The following KALRN variants were observed in gnomAD, a reference collection of about 807,000 sequenced individuals.
KALRN encodes the protein kalirin.
In KALRN, 70 loss-of-function variants were observed where a neutral mutation model predicts 353.7. The ratio of observed to expected loss-of-function variants is 0.20; its 90% CI spans 0.16 to 0.24. KALRN has a LOEUF of 0.24. Ranked by LOEUF, KALRN falls within the 10% of genes least tolerant of loss-of-function variation. The pLI, the probability that KALRN is intolerant of heterozygous loss-of-function variation, is 1.00. For missense variants in KALRN, 2,791 were observed against 3,756.7 expected (o/e 0.74, Z 6.72); for synonymous variants, 1,391 against 1,434.8 (o/e 0.97, Z 0.69).
chr3:124,587,490 G>GAGCT (rs1367940982), intron 34 of KALRN, among the ~76,000 whole-genome samples: 1 of 152,184 alleles, frequency 6.6e-6, no homozygotes, highest in Admixed American at 6.5e-5. Flanking sequence ...GAAGCTAAGT[G>GAGCT]AGCTACATTG....
At chr3:124,558,245 C>T (rs886143071) in intron 33 of KALRN, among the ~76,000 whole-genome samples, 1 of 152,132 alleles carries the variant, frequency 6.6e-6, no homozygotes, top group Non-Finnish European at 1.5e-5. Flanking sequence ...TCCTTTCCTC[C>T]CAAATTTAAA....
At chr3:124,193,263 G>A in intron 1 of KALRN, among the ~76,000 whole-genome samples, 1 of 152,080 alleles carries the variant, frequency 6.6e-6, no homozygotes, top group East Asian at 1.9e-4. Flanking sequence ...GGGAACTGGA[G>A]TATCCTTCCT....
chr3:124,407,370 T>C (rs2091683841), intron 13 of KALRN, among the ~76,000 whole-genome samples: 1 of 152,140 alleles, frequency 6.6e-6, no homozygotes, highest in South Asian at 2.1e-4. Context: ...CATCCCTTCT[T>C]ATTCTTTCTC....
chr3:124,448,778 C>T (rs922567869), intron 21 of KALRN, among the ~76,000 whole-genome samples: 14 of 152,124 alleles, frequency 9.2e-5, no homozygotes, highest in African/African-American at 2.4e-4. Flanking sequence ...CTATATAAGC[C>T]GACAGGATAC....
At chr3:124,494,213 T>A (rs1029067835) in intron 32 of KALRN, among the ~76,000 whole-genome samples, 3 of 152,102 alleles carry the variant, frequency 2.0e-5, no homozygotes, top group Non-Finnish European at 4.4e-5. Context: ...CTACAATGGG[T>A]GGGTGAGAAA....
At chr3:124,105,019 T>C (rs1462764643) in intron 1 of KALRN, among the ~76,000 whole-genome samples, 1 of 152,086 alleles carries the variant, frequency 6.6e-6, no homozygotes, top group Non-Finnish European at 1.5e-5. Context: ...CTTCTGAGCA[T>C]AAGAGCCTGG....
At chr3:124,556,677 C>T (rs1159502231) in intron 33 of KALRN, among the ~76,000 whole-genome samples, 1 of 152,156 alleles carries the variant, frequency 6.6e-6, no homozygotes, top group Non-Finnish European at 1.5e-5. Flanking sequence ...TTGCATTTTT[C>T]CCCATTACCT....
In KALRN at chr3:124,326,176, G is replaced by A. The variant is rs1439115192; in HGVS notation, c.1284+5G>A. The A allele has an allele frequency of 1.2e-6, 2 of 1,606,944 alleles. No individual in the cohort carries two copies. The highest frequency in any genetic ancestry group is 4.5e-5 in the East Asian group (2 of 44,798). On this transcript the variant is annotated splice_donor_5th_base_variant and intron_variant, in intron 7 of 59. Transcript: ENST00000682506. ...TTCCACCAGAAGGCTGAGCAGGTAAGGTGCAGAAACCTGCAGCAGCTGCTG... is the reference window on the plus strand; with the variant it reads ...TTCCACCAGAAGGCTGAGCAGGTAAAGTGCAGAAACCTGCAGCAGCTGCTG...
chr3:124,490,568 G>GA lies in KALRN; in HGVS notation c.4397-119dup, dbSNP rs528148391. 123 of 796,426 alleles carry GA rather than the reference G, an allele frequency of 1.5e-4. No individual in the cohort carries two copies. In the South Asian group the frequency reaches 2.1e-3, roughly 14 times the overall value. The allele number at this position is 796,426 out of a possible 1,614,324, so 49.3% of individuals were successfully genotyped here. A position where few individuals can be genotyped will look rare whatever the true frequency, so the allele number is the denominator to read the frequency against. ...CAGCAGTCTCTGGAGTTAGCAGAGAGAAAAAAACCCTTCAGTAACTGAAGA... is the reference window on the plus strand; with the variant it reads ...CAGCAGTCTCTGGAGTTAGCAGAGAGAAAAAAAACCCTTCAGTAACTGAAGA... On this transcript the variant is annotated intron_variant, in intron 29 of 59. Transcript: ENST00000682506.
At chr3:124,506,325 C>T (rs1296211850) in intron 33 of KALRN, among the ~76,000 whole-genome samples, 3 of 152,190 alleles carry the variant, frequency 2.0e-5, no homozygotes, top group Admixed American at 2.0e-4. Flanking sequence ...ATCCTTCTCC[C>T]GCCATGTCCC....
intron 1 of KALRN, among the ~76,000 whole-genome samples, chr3:124,053,139 G>A (rs548540914): frequency 2.0e-5 from 3 of 152,228 alleles, no homozygotes; most frequent in African/African-American, 7.2e-5. Flanking sequence ...TGGGCTCAAG[G>A]GATCCTTGCA....
chr3:124,332,307 G>A (rs2080659609), intron 8 of KALRN, among the ~76,000 whole-genome samples: 1 of 151,816 alleles, frequency 6.6e-6, no homozygotes, highest in Non-Finnish European at 1.5e-5. Context: ...GGGACCAAAG[G>A]AGGGGTGAGG....
At position 124,122,090 on chromosome 3, in the gene KALRN, A is replaced by G. The variant is rs184084463; in HGVS notation, c.73+88277A>G. 7.0e-4 allele frequency among the ~76,000 whole-genome samples: 107 copies of G among 152,284 alleles called. No homozygotes were observed. In the South Asian group the frequency reaches 0.014, roughly 20 times the overall value. ...CAAATGGTGAGATGAGTGGTGCCAG[A>G]GAGTTTGGCTGCGGTGGTTGTGATG... is the stretch of plus-strand genomic sequence containing the variant. On this transcript the variant is annotated intron_variant, in intron 1 of 59. Transcript: ENST00000682506.
At chr3:124,693,734 C>T (rs549291384) in intron 51 of KALRN, 70 bp from the exon 52 acceptor site, 94 of 1,032,600 alleles carry the variant, frequency 9.1e-5, no homozygotes, top group Non-Finnish European at 1.1e-4. Flanking sequence ...TTACTCAATA[C>T]GGTGAAGTCC....
chr3:124,309,517 G>A (rs77380734), intron 6 of KALRN, among the ~76,000 whole-genome samples: 6,660 of 152,066 alleles, frequency 0.044, 200 homozygotes, highest in Middle Eastern at 0.078. Flanking sequence ...AGTTATAATC[G>A]TGTCATTGCA....
chr3:124,502,516 A>T (rs1290395064), intron 33 of KALRN, among the ~76,000 whole-genome samples: 5 of 152,092 alleles, frequency 3.3e-5, no homozygotes, highest in Middle Eastern at 3.2e-3. Flanking sequence ...AAGAAAGGGG[A>T]TGGGTTTTCA....
rs904215417 is a variant in KALRN, at chr3:124,413,669, G to A, written c.2542+4G>A. 6.2e-7 allele frequency: 1 copy of A among 1,611,174 alleles called. No homozygotes were observed. The highest frequency in any genetic ancestry group is 8.5e-7 in the Non-Finnish European group (1 of 1,177,944). On this transcript the variant is annotated splice_donor_region_variant and intron_variant, in intron 14 of 59. Coordinates refer to ENST00000682506, the MANE Select transcript of KALRN (RefSeq NM_001388419.1). ...ATCACGGAGGTCCAGGCATCAGGTG[G>A]GTGACCTCGCTCATTCTCCTGGCAG...
intron 14 of KALRN, among the ~76,000 whole-genome samples, chr3:124,418,212 G>C (rs2092607018): frequency 6.6e-6 from 1 of 152,102 alleles, no homozygotes. Context: ...GGATCTGAGG[G>C]GCTGAGACGA....
chr3:124,475,040 G>A (rs1459567965), intron 26 of KALRN, among the ~76,000 whole-genome samples: 1 of 152,170 alleles, frequency 6.6e-6, no homozygotes, highest in East Asian at 1.9e-4. Flanking sequence ...TAGGGAATTA[G>A]AACTTTAGGA....
Sources: gnomAD v4.1 joint callset for allele counts (sites outside exome capture counted in the v4.1 genomes callset) on GRCh38, gnomAD v4.1.1 for gene constraint, MANE v1.5 for transcripts, NCBI Gene and HGNC (gene_info 2026-07-23, HGNC 2026-07-21) for gene names.